Variants in PXDNL observed in about 807,000 individuals in gnomAD.
The protein encoded by PXDNL is probable oxidoreductase PXDNL.
A neutral mutation model predicts 150.8 loss-of-function variants in PXDNL; 145 were observed. The ratio of observed to expected loss-of-function variants is 0.96; its 90% CI spans 0.84 to 1.10. The LOEUF (loss-of-function observed/expected upper bound fraction) is 1.10, where lower values mean the gene tolerates loss of function less well. PXDNL is among the 50% of genes least tolerant of loss of function. The pLI is 0.00. For synonymous variants in PXDNL, 757 were observed against 725.7 expected (o/e 1.04, Z -0.69); for missense variants, 2,087 against 1,873.9 (o/e 1.11, Z -2.10).
At chr8:51,657,154 C>T (rs1171010124) in intron 1 of PXDNL, among the ~76,000 whole-genome samples, 2 of 152,108 alleles carry the variant, frequency 1.3e-5, no homozygotes, top group Non-Finnish European at 2.9e-5. Context: ...CTAACACACT[C>T]CTTATTTTAT....
intron 6 of PXDNL, among the ~76,000 whole-genome samples, chr8:51,481,653 T>C (rs1395302166): frequency 6.6e-6 from 1 of 152,168 alleles, no homozygotes; most frequent in Admixed American, 6.5e-5. Flanking sequence ...GCCCCCCTGA[T>C]CTATGCAGTT....
intron 1 of PXDNL, among the ~76,000 whole-genome samples, chr8:51,772,114 G>A (rs556132030): frequency 7.2e-5 from 11 of 151,852 alleles, no homozygotes; most frequent in Admixed American, 1.3e-4. Context: ...TACTCACCCC[G>A]CACACCATGT....
chr8:51,486,798 T>A (rs570846832), intron 5 of PXDNL, among the ~76,000 whole-genome samples: 25 of 54,368 alleles, frequency 4.6e-4, no homozygotes, highest in African/African-American at 9.9e-4. Flanking sequence ...ATATATATTT[T>A]TTTTTTTTTT....
intron 17 of PXDNL, among the ~76,000 whole-genome samples, chr8:51,378,920 G>C (rs1372313198): frequency 6.6e-6 from 1 of 152,150 alleles, no homozygotes; most frequent in Admixed American, 6.5e-5. Context: ...CACGGCGAGG[G>C]TCTGCGACTT....
chr8:51,492,101 CT>C (rs1563436084), intron 5 of PXDNL, among the ~76,000 whole-genome samples: 1 of 152,220 alleles, frequency 6.6e-6, no homozygotes, highest in African/African-American at 2.4e-5. Flanking sequence ...AAGTGGTTGA[CT>C]GGCTCTTCTT....
intron 3 of PXDNL, among the ~76,000 whole-genome samples, chr8:51,569,398 A>G (rs1203513145): frequency 2.0e-5 from 3 of 151,986 alleles, no homozygotes; most frequent in African/African-American, 7.2e-5. Flanking sequence ...ATATGAACAG[A>G]TTAGGGTGCT....
At chr8:51,381,674 G>A (rs939580363) in intron 17 of PXDNL, among the ~76,000 whole-genome samples, 17 of 148,270 alleles carry the variant, frequency 1.1e-4, no homozygotes, top group Non-Finnish European at 3.0e-5. Flanking sequence ...TTATTTTTGA[G>A]ACAGAGTCTC....
intron 4 of PXDNL, among the ~76,000 whole-genome samples, chr8:51,536,506 G>A (rs926460011): frequency 4.6e-5 from 7 of 152,276 alleles, no homozygotes; most frequent in South Asian, 2.1e-4. Flanking sequence ...GGCGTGGAGG[G>A]GAAAAGCAAA....
Position 51,597,719 on chromosome 8 carries a change from CT to C in PXDNL, c.237-5022del, listed in dbSNP as rs1186776655. 9.2e-3 allele frequency among the ~76,000 whole-genome samples: 1,204 copies of C among 131,370 alleles called. 10 individuals are homozygous for C. The highest frequency in any genetic ancestry group is 0.011 in the Middle Eastern group (3 of 262). 86.2% of individuals were successfully genotyped at this position (131,370 alleles called of 152,430 possible). A position where few individuals can be genotyped will look rare whatever the true frequency, so the allele number is the denominator to read the frequency against. ...CTGTAAATAGGATTGCATTTTTTTT[CT>C]TTTTTTTTTTTGAGATGGAGTTTCA... On this transcript the variant is annotated intron_variant, in intron 2 of 22. Transcript: ENST00000356297.
At chr8:51,451,437 T>C (rs1247617858) in intron 10 of PXDNL, among the ~76,000 whole-genome samples, 1 of 152,202 alleles carries the variant, frequency 6.6e-6, no homozygotes, top group Non-Finnish European at 1.5e-5. Context: ...GGGCTTTCCA[T>C]TTAAAATGAT....
At chr8:51,402,981 T>A (rs1293907023) in intron 17 of PXDNL, among the ~76,000 whole-genome samples, 7 of 148,138 alleles carry the variant, frequency 4.7e-5, no homozygotes, top group Non-Finnish European at 7.4e-5. Context: ...TCCCAGCTAC[T>A]GGGGAGGCTG....
At chr8:51,642,954 AG>A (rs1814806785) in intron 2 of PXDNL, among the ~76,000 whole-genome samples, 1 of 152,210 alleles carries the variant, frequency 6.6e-6, no homozygotes, top group Admixed American at 6.5e-5. Context: ...TGCTTCAAAG[AG>A]AATAAAATAC....
chr8:51,468,486 CATA>C (rs34147441), intron 8 of PXDNL, among the ~76,000 whole-genome samples: 24,759 of 151,784 alleles, frequency 0.16, 2,252 homozygotes, highest in Middle Eastern at 0.25. Context: ...CTCTCAGTGT[CATA>C]ATGTTTCAGA....
chr8:51,368,356 T>A (rs948870035), intron 19 of PXDNL, among the ~76,000 whole-genome samples: 4 of 152,118 alleles, frequency 2.6e-5, no homozygotes, highest in Non-Finnish European at 5.9e-5. Flanking sequence ...ATGATGTAAA[T>A]CTTGACTGCA....
intron 4 of PXDNL, among the ~76,000 whole-genome samples, chr8:51,529,913 A>G (rs1051509079): frequency 6.6e-6 from 1 of 152,172 alleles, no homozygotes; most frequent in Non-Finnish European, 1.5e-5. Flanking sequence ...CCTGGCCTCT[A>G]CTTACAAGAT....
chr8:51,578,025 G>GA (rs1813120890), intron 3 of PXDNL, among the ~76,000 whole-genome samples: 1 of 115,502 alleles, frequency 8.7e-6, no homozygotes, highest in African/African-American at 3.9e-5. Context: ...AAGGAAGGAA[G>GA]GAAGGAAGGA....
intron 4 of PXDNL, among the ~76,000 whole-genome samples, chr8:51,509,187 T>C (rs1319655346): frequency 6.6e-6 from 1 of 152,188 alleles, no homozygotes; most frequent in Non-Finnish European, 1.5e-5. Flanking sequence ...GTTAATTAGC[T>C]TGACTTGGCC....
chr8:51,652,029 A>G (rs551226464), intron 2 of PXDNL, among the ~76,000 whole-genome samples: 2 of 151,682 alleles, frequency 1.3e-5, no homozygotes, highest in South Asian at 4.2e-4. Context: ...TTTTGAGAAA[A>G]CCCTCTCTTT....
At chr8:51,326,841 C>G (rs952661885) in intron 21 of PXDNL, among the ~76,000 whole-genome samples, 1 of 152,032 alleles carries the variant, frequency 6.6e-6, no homozygotes, top group African/African-American at 2.4e-5. Flanking sequence ...CTCTGTACCT[C>G]AGAATGTGAT....
Sources: gnomAD v4.1 joint callset for allele counts (sites outside exome capture counted in the v4.1 genomes callset) on GRCh38, gnomAD v4.1.1 for gene constraint, MANE v1.5 for transcripts, NCBI Gene and HGNC (gene_info 2026-07-23, HGNC 2026-07-21) for gene names.